Variants in NKAIN2 observed in about 807,000 individuals in gnomAD.
The protein encoded by NKAIN2 is sodium/potassium-transporting ATPase subunit beta-1-interacting protein 2.
Under a neutral mutation model 32.6 loss-of-function variants are expected in NKAIN2, and 14 were observed. The observed-to-expected ratio is 0.43, with a 90% CI of 0.28 to 0.67. The LOEUF (loss-of-function observed/expected upper bound fraction) is 0.67, where lower values mean the gene tolerates loss of function less well. NKAIN2 is among the 30% of genes least tolerant of loss of function. NKAIN2 has a pLI of 0.17. For synonymous variants in NKAIN2, 80 were observed against 87.2 expected, an observed-to-expected ratio of 0.92 and a Z score of 0.46; for missense variants, 198 against 258.3, an observed-to-expected ratio of 0.77 and a Z score of 1.60.
chr6:124,233,743 C>T (rs938529437), intron 1 of NKAIN2, among the ~76,000 whole-genome samples: 3 of 152,076 alleles, frequency 2.0e-5, no homozygotes, highest in Non-Finnish European at 4.4e-5. Context: ...CATTACATAA[C>T]ATGTGATGTC....
Position 123,937,635 on chromosome 6 carries a change from T to C in NKAIN2, c.54+133381T>C, listed in dbSNP as rs909841045. On this transcript the variant is annotated intron_variant, in intron 1 of 6. Transcript: ENST00000368417. ...CTCAACCATTTATGAAAAATAATAG[T>C]AAATATCTGCATTTCTCTGAGCCAT... is the stretch of plus-strand genomic sequence containing the variant. Among the ~76,000 whole-genome samples, 7 of 152,098 alleles carry C rather than the reference T, an allele frequency of 4.6e-5. No homozygotes were observed. The East Asian group carries it at 5.8e-4, about 13-fold the overall frequency.
chr6:124,687,215 T>C (rs904268677), intron 4 of NKAIN2, among the ~76,000 whole-genome samples: 15 of 146,764 alleles, frequency 1.0e-4, no homozygotes, highest in Admixed American at 5.5e-4. Flanking sequence ...TATATGTGTA[T>C]ATATGTGGAA....
At chr6:124,415,824 A>G (rs781640150) in intron 3 of NKAIN2, among the ~76,000 whole-genome samples, 1 of 145,200 alleles carries the variant, frequency 6.9e-6, no homozygotes, top group Non-Finnish European at 1.5e-5. Context: ...TAACAATAGC[A>G]TAGGTTTCAT....
intron 1 of NKAIN2, among the ~76,000 whole-genome samples, chr6:124,259,881 C>A (rs1298079847): frequency 6.6e-6 from 1 of 152,088 alleles, no homozygotes; most frequent in Non-Finnish European, 1.5e-5. Context: ...TGTTATGGGG[C>A]CATTCTGTGA....
intron 2 of NKAIN2, among the ~76,000 whole-genome samples, chr6:124,302,131 G>C (rs536412475): frequency 4.7e-4 from 71 of 152,314 alleles, no homozygotes; most frequent in African/African-American, 1.7e-3. Context: ...CACAAGATCT[G>C]ACGTTTTTAT....
intron 1 of NKAIN2, among the ~76,000 whole-genome samples, chr6:123,856,733 C>T (rs551936043): frequency 5.9e-5 from 9 of 152,300 alleles, no homozygotes; most frequent in African/African-American, 2.2e-4. Context: ...TTTGGGGCTC[C>T]ACCACAGCCC....
intron 2 of NKAIN2, among the ~76,000 whole-genome samples, chr6:124,346,481 A>G (rs1167306469): frequency 2.6e-5 from 4 of 152,244 alleles, no homozygotes; most frequent in Middle Eastern, 3.4e-3. Context: ...GTCTCTTTGT[A>G]GGTCACTCAG....
At chr6:124,215,712 C>T (rs1477412979) in intron 1 of NKAIN2, among the ~76,000 whole-genome samples, 4 of 152,148 alleles carry the variant, frequency 2.6e-5, no homozygotes, top group Non-Finnish European at 4.4e-5. Flanking sequence ...AAGATCTGAA[C>T]ATGTTTTCCT....
chr6:124,100,113 C>A (rs913805954), intron 1 of NKAIN2, among the ~76,000 whole-genome samples: 1 of 152,180 alleles, frequency 6.6e-6, no homozygotes, highest in Non-Finnish European at 1.5e-5. Context: ...TTCTTTACTG[C>A]AGAAATTTCT....
chr6:124,253,590 G>T (rs1361384029), intron 1 of NKAIN2, among the ~76,000 whole-genome samples: 1 of 152,130 alleles, frequency 6.6e-6, no homozygotes, highest in Non-Finnish European at 1.5e-5. Context: ...ACATATGTGT[G>T]TGTAAGTGTT....
chr6:124,642,415 C>T (rs1182861190), intron 3 of NKAIN2, among the ~76,000 whole-genome samples: 2 of 152,036 alleles, frequency 1.3e-5, no homozygotes, highest in Non-Finnish European at 2.9e-5. Context: ...AAATGCTATA[C>T]TTAGAATGAT....
chr6:124,245,935 A>G (rs565610055), intron 1 of NKAIN2, among the ~76,000 whole-genome samples: 6 of 152,254 alleles, frequency 3.9e-5, no homozygotes, highest in East Asian at 1.9e-4. Context: ...AATGTTAACT[A>G]TTGATAAAAT....
chr6:124,512,703 C>T (rs969441493), intron 3 of NKAIN2, among the ~76,000 whole-genome samples: 2 of 152,104 alleles, frequency 1.3e-5, no homozygotes, highest in Admixed American at 1.3e-4. Flanking sequence ...TGTACCCAGA[C>T]CTCTGCAAGA....
chr6:124,689,805 G>C (rs1774173043), intron 4 of NKAIN2, among the ~76,000 whole-genome samples: 2 of 151,970 alleles, frequency 1.3e-5, no homozygotes, highest in Admixed American at 6.6e-5. Context: ...TCTTTATTCT[G>C]TTCCATTGAT....
intron 1 of NKAIN2, among the ~76,000 whole-genome samples, chr6:123,912,855 G>A (rs1306393879): frequency 6.6e-6 from 1 of 151,230 alleles, no homozygotes; most frequent in Non-Finnish European, 1.5e-5. Flanking sequence ...CAGAATCATT[G>A]CAATATCATT....
intron 4 of NKAIN2, among the ~76,000 whole-genome samples, chr6:124,790,165 A>G (rs548531284): frequency 6.6e-6 from 1 of 152,152 alleles, no homozygotes; most frequent in South Asian, 2.1e-4. Flanking sequence ...TCAAATCCAA[A>G]TTAGGGACTT....
At chr6:124,077,600 A>G (rs1783752384) in intron 1 of NKAIN2, among the ~76,000 whole-genome samples, 1 of 152,050 alleles carries the variant, frequency 6.6e-6, no homozygotes, top group African/African-American at 2.4e-5. Context: ...CTCACTGGCA[A>G]TGTGAATTGC....
At chr6:124,759,327 T>C (rs1020913729) in intron 4 of NKAIN2, among the ~76,000 whole-genome samples, 1 of 152,160 alleles carries the variant, frequency 6.6e-6, no homozygotes. Flanking sequence ...TTTTCTAACA[T>C]GCATTGACAA....
At chr6:124,467,038 T>C (rs34751430) in intron 3 of NKAIN2, among the ~76,000 whole-genome samples, 2,199 of 152,208 alleles carry the variant, frequency 0.014, 29 homozygotes, top group Non-Finnish European at 0.019. Context: ...GATAGGCTGC[T>C]TGTATGATAA....
Sources: gnomAD v4.1 joint callset for allele counts (sites outside exome capture counted in the v4.1 genomes callset) on GRCh38, gnomAD v4.1.1 for gene constraint, MANE v1.5 for transcripts, NCBI Gene and HGNC (gene_info 2026-07-23, HGNC 2026-07-21) for gene names.